KCNT2: variants seen among roughly 807,000 people sequenced by gnomAD.
The protein encoded by KCNT2 is potassium sodium-activated channel subfamily T member 2.
A neutral mutation model predicts 153.8 loss-of-function variants in KCNT2; 67 were observed. That is an observed-to-expected ratio of 0.44 (90% CI 0.36 to 0.53). KCNT2 has a LOEUF of 0.53. Among genes scored for constraint, KCNT2 ranks in the 20% least tolerant of loss-of-function variants. The pLI is 0.00. For missense variants in KCNT2, 975 were observed against 1,354.8 expected (o/e 0.72, Z 4.40); for synonymous variants, 500 against 458.8 (o/e 1.09, Z -1.15).
intron 1 of KCNT2, among the ~76,000 whole-genome samples, chr1:196,580,891 CA>C (rs926883698): frequency 2.0e-5 from 3 of 152,128 alleles, no homozygotes; most frequent in Non-Finnish European, 2.9e-5. Flanking sequence ...AAGGTGAAGG[CA>C]GGGGCCAGAT....
At chr1:196,369,777 A>C (rs1324479233) in intron 14 of KCNT2, among the ~76,000 whole-genome samples, 4 of 152,050 alleles carry the variant, frequency 2.6e-5, no homozygotes, top group Admixed American at 2.6e-4. Context: ...ATAATGCCGC[A>C]ATAAACATAT....
chr1:196,533,706 T>A (rs12043743), intron 1 of KCNT2, among the ~76,000 whole-genome samples: 9,979 of 152,236 alleles, frequency 0.066, 826 homozygotes, highest in East Asian at 0.42. Context: ...ATAATTCTTA[T>A]GTCTTCTATT....
chr1:196,498,041 T>G (rs1680393371), intron 1 of KCNT2, among the ~76,000 whole-genome samples: 2 of 152,212 alleles, frequency 1.3e-5, no homozygotes, highest in African/African-American at 4.8e-5. Context: ...TTCCTAATGA[T>G]ATCAACTACC....
Position 196,227,269 on chromosome 1 carries a change from G to A in KCNT2, c.*955C>T, listed in dbSNP as rs575580645. 1.9e-4 allele frequency: 29 copies of A among 151,966 alleles called. No individual in the cohort carries two copies. The highest frequency in any genetic ancestry group is 6.5e-4 in the African/African-American group (27 of 41,500). The allele number at this position is 151,966 out of a possible 1,614,324, so 9.4% of individuals were successfully genotyped here. On this transcript the variant is annotated 3_prime_UTR_variant, in exon 28 of 28. Coordinates refer to ENST00000294725, the MANE Select transcript of KCNT2 (RefSeq NM_198503.5). ...GAAGTGTCTTCAGAGTCCATAAAAG[G>A]TATAAATTATCTTCTGTCAATTTTA...
chr1:196,258,887 A>G (rs181518855), intron 25 of KCNT2, among the ~76,000 whole-genome samples: 1 of 152,138 alleles, frequency 6.6e-6, no homozygotes, highest in African/African-American at 2.4e-5. Flanking sequence ...TAAACCTATT[A>G]CAAGTATTTC....
At chr1:196,295,118 C>T (rs1660558669) in intron 22 of KCNT2, among the ~76,000 whole-genome samples, 2 of 151,310 alleles carry the variant, frequency 1.3e-5, no homozygotes, top group Admixed American at 6.6e-5. Context: ...CTAATCATAA[C>T]ACATTGTAAA....
intron 22 of KCNT2, among the ~76,000 whole-genome samples, chr1:196,288,967 C>T (rs568008834): frequency 1.3e-5 from 2 of 152,214 alleles, no homozygotes; most frequent in African/African-American, 4.8e-5. Flanking sequence ...TACTTAAGCT[C>T]TCTGTTCCTC....
intron 4 of KCNT2, 95 bp downstream of exon 4, chr1:196,482,236 A>T (rs1408010017): frequency 5.3e-6 from 4 of 754,324 alleles, no homozygotes; most frequent in Non-Finnish European, 8.9e-6. Context: ...CAGAAAGACA[A>T]ACTCATTTTG....
rs184314033 is a variant in KCNT2 at position 196,527,198 on chromosome 1, T to C, written c.96-34857A>G. Among the ~76,000 whole-genome samples the C allele has an allele frequency of 1.8e-4, 27 of 152,258 alleles. No individual in the cohort carries two copies. The East Asian group carries it at 5.0e-3, about 28-fold the overall frequency. On this transcript the variant is annotated intron_variant, in intron 1 of 27. Transcript: ENST00000294725. ...GGGGACCACTGTTCTATAGGATATC[T>C]CAAATCTTCTTGTAGAAGAAGCAAA...
chr1:196,489,678 A>G (rs1005180141), intron 3 of KCNT2, among the ~76,000 whole-genome samples, 160 bp downstream of exon 3: 7 of 152,034 alleles, frequency 4.6e-5, no homozygotes, highest in Non-Finnish European at 7.4e-5. Context: ...AGAACCTACA[A>G]GAATTATGTA....
intron 16 of KCNT2, among the ~76,000 whole-genome samples, chr1:196,335,904 C>T (rs1664979452): frequency 6.6e-6 from 1 of 152,066 alleles, no homozygotes; most frequent in African/African-American, 2.4e-5. Flanking sequence ...CTCTCATTCC[C>T]TTGATGCTCT....
Position 196,276,599 on chromosome 1 carries a change from G to C in KCNT2, c.2910+4261C>G, listed in dbSNP as rs534927504. The stretch of plus-strand genomic sequence containing the variant: ...GTTTCCATAAAACGTCTGGTTTCCT[G>C]CAGATCATTATTTCTCCTTCATTTT... On this transcript the variant is annotated intron_variant, in intron 25 of 27. Coordinates refer to ENST00000294725, the MANE Select transcript of KCNT2 (RefSeq NM_198503.5). 6.3e-4 allele frequency among the ~76,000 whole-genome samples: 95 copies of C among 151,968 alleles called. 1 individual carries two copies. The South Asian group carries it at 0.018, about 29-fold the overall frequency.
intron 13 of KCNT2, among the ~76,000 whole-genome samples, chr1:196,373,895 A>T (rs1668730894): frequency 6.6e-6 from 1 of 151,900 alleles, no homozygotes; most frequent in South Asian, 2.1e-4. Flanking sequence ...ACCAGAAAAC[A>T]TAATAAATGG....
chr1:196,484,016 G>A (rs1433433588), intron 3 of KCNT2, among the ~76,000 whole-genome samples: 1 of 152,126 alleles, frequency 6.6e-6, no homozygotes, highest in South Asian at 2.1e-4. Flanking sequence ...ACAACAAGGT[G>A]TGTCAGAGTG....
chr1:196,501,762 A>C (rs953882667), intron 1 of KCNT2, among the ~76,000 whole-genome samples: 1 of 152,222 alleles, frequency 6.6e-6, no homozygotes, highest in Non-Finnish European at 1.5e-5. Flanking sequence ...AGTAAATTAA[A>C]AATAAAAAAG....
intron 12 of KCNT2, among the ~76,000 whole-genome samples, chr1:196,416,517 T>TA (rs1333438466): frequency 6.6e-6 from 1 of 152,030 alleles, no homozygotes; most frequent in Non-Finnish European, 1.5e-5. Context: ...CTACTGTACC[T>TA]ATTGACCCCT....
chr1:196,359,493 C>A (rs1473301504), intron 14 of KCNT2, among the ~76,000 whole-genome samples: 3 of 151,944 alleles, frequency 2.0e-5, no homozygotes, highest in African/African-American at 7.2e-5. Flanking sequence ...AAGAATAAAT[C>A]ATCTCAATCT....
At chr1:196,249,650 G>A (rs1334101183) in intron 26 of KCNT2, among the ~76,000 whole-genome samples, 1 of 151,926 alleles carries the variant, frequency 6.6e-6, no homozygotes, top group South Asian at 2.1e-4. Flanking sequence ...GTGCATGCCT[G>A]TAATTCCAGT....
At chr1:196,497,792 A>G (rs541993679) in intron 1 of KCNT2, among the ~76,000 whole-genome samples, 21 of 152,190 alleles carry the variant, frequency 1.4e-4, no homozygotes, top group African/African-American at 4.8e-4. Flanking sequence ...CTATGATGCA[A>G]TTGTTTTTGT....
Sources: gnomAD v4.1 joint callset for allele counts (sites outside exome capture counted in the v4.1 genomes callset) on GRCh38, gnomAD v4.1.1 for gene constraint, MANE v1.5 for transcripts, NCBI Gene and HGNC (gene_info 2026-07-23, HGNC 2026-07-21) for gene names.